Variants in GATAD2A observed in about 807,000 individuals in gnomAD.
GATAD2A encodes GATA zinc finger domain containing 2A.
A neutral mutation model predicts 68.5 loss-of-function variants in GATAD2A; 12 were observed. The observed-to-expected ratio is 0.18, with a 90% CI of 0.11 to 0.28. The LOEUF (loss-of-function observed/expected upper bound fraction) is 0.28. Among genes scored for constraint, GATAD2A ranks in the 10% least tolerant of loss-of-function variants. The pLI is 1.00. For missense variants in GATAD2A, 755 were observed against 868.5 expected (o/e 0.87, Z 1.64); for synonymous variants, 410 against 375.3 (o/e 1.09, Z -1.07).
At chr19:19,487,172 C>T (rs2059495021) in intron 2 of GATAD2A, among the ~76,000 whole-genome samples, 1 of 152,216 alleles carries the variant, frequency 6.6e-6, no homozygotes, top group Non-Finnish European at 1.5e-5. Context: ...GGCTTGCCCC[C>T]TTCTCTGGGG....
intron 1 of GATAD2A, among the ~76,000 whole-genome samples, chr19:19,439,437 T>G (rs555494972): frequency 6.6e-6 from 1 of 152,162 alleles, no homozygotes; most frequent in South Asian, 2.1e-4. Context: ...CACCAAGACA[T>G]TTCTGGGTTG....
chr19:19,463,222 C>T (rs1474113952), intron 1 of GATAD2A, among the ~76,000 whole-genome samples: 1 of 152,092 alleles, frequency 6.6e-6, no homozygotes, highest in Non-Finnish European at 1.5e-5. Context: ...ATGTCCCACC[C>T]CTCCCACAGT....
intron 1 of GATAD2A, among the ~76,000 whole-genome samples, chr19:19,444,192 C>T (rs1336672418): frequency 6.6e-6 from 1 of 152,174 alleles, no homozygotes; most frequent in Admixed American, 6.5e-5. Context: ...TACCCTGACT[C>T]TATGATGAAA....
intron 1 of GATAD2A, among the ~76,000 whole-genome samples, chr19:19,423,534 C>T (rs528406617): frequency 1.3e-5 from 2 of 152,372 alleles, no homozygotes; most frequent in South Asian, 2.1e-4. Flanking sequence ...CTGAATGCCC[C>T]CCTGAGCTGA....
At chr19:19,488,018 C>T (rs974540872) in intron 2 of GATAD2A, among the ~76,000 whole-genome samples, 3 of 152,178 alleles carry the variant, frequency 2.0e-5, no homozygotes, top group Admixed American at 6.5e-5. Context: ...TTTCTTGTAC[C>T]GAGGCCTCAC....
rs994643197 is a variant in GATAD2A at position 19,489,186 on chromosome 19, G to A, written c.270-3120G>A. 3.9e-5 allele frequency among the ~76,000 whole-genome samples: 6 copies of A among 152,238 alleles called. No homozygotes were observed. In the East Asian group the frequency reaches 7.7e-4, roughly 20 times the overall value. ...AGGGGCCAGTGACCCTGCTGTGTGC[G>A]GTGTATGTAGAGGTGACTGGAGCCT... On this transcript the variant is annotated intron_variant, in intron 2 of 11. Coordinates refer to ENST00000683918, the MANE Select transcript of GATAD2A (RefSeq NM_001384528.1).
chr19:19,484,991 C>T (rs1170982423), intron 2 of GATAD2A, among the ~76,000 whole-genome samples: 1 of 152,156 alleles, frequency 6.6e-6, no homozygotes, highest in Non-Finnish European at 1.5e-5. Flanking sequence ...TCCATGGGAC[C>T]CTCTTCAGCC....
intron 1 of GATAD2A, chr19:19,436,295 C>A: frequency 1.3e-6 from 1 of 764,168 alleles, no homozygotes; most frequent in Non-Finnish European, 2.1e-6. Flanking sequence ...TTCTTGGACA[C>A]TTTAAAGTGA....
At chr19:19,426,123 AATT>A (rs1340154520) in intron 1 of GATAD2A, among the ~76,000 whole-genome samples, 1 of 151,934 alleles carries the variant, frequency 6.6e-6, no homozygotes, top group Non-Finnish European at 1.5e-5. Flanking sequence ...TAATGATGTT[AATT>A]AGTAGGGGCA....
In GATAD2A at chr19:19,465,602, G is replaced by C; in HGVS notation, c.257G>C (p.Arg86Pro). The change falls in exon 2 of 12, where the codon CGC becomes CCC. Residue 86 changes from arginine to proline, a missense_variant. Coordinates refer to ENST00000683918, the MANE Select transcript of GATAD2A (RefSeq NM_001384528.1). ...GLVGDGPVDM[R>P]TSHSDMKSER... ...GTGGGCGATGGGCCCGTGGACATGC[G>C]CACCTCACACAGGTGAGTGGGAGGA... The C allele has an allele frequency of 6.2e-7, 1 of 1,608,816 alleles. No individual in the cohort carries two copies. The highest frequency in any genetic ancestry group is 8.5e-7 in the Non-Finnish European group (1 of 1,177,764).
At chr19:19,469,783 C>G (rs1432006119) in intron 2 of GATAD2A, among the ~76,000 whole-genome samples, 1 of 151,980 alleles carries the variant, frequency 6.6e-6, no homozygotes, top group Non-Finnish European at 1.5e-5. Context: ...CCCGTCTCTA[C>G]TAAAAATACA....
chr19:19,398,983 C>T (rs1444126165), intron 1 of GATAD2A, among the ~76,000 whole-genome samples: 6 of 152,044 alleles, frequency 3.9e-5, no homozygotes, highest in African/African-American at 4.8e-5. Context: ...CGCTTGAACC[C>T]GGGCAGCAGG....
At chr19:19,476,093 CTT>C (rs1333538052) in intron 2 of GATAD2A, among the ~76,000 whole-genome samples, 3 of 152,176 alleles carry the variant, frequency 2.0e-5, no homozygotes, top group Admixed American at 2.0e-4. Flanking sequence ...GGATCCCTAA[CTT>C]TGAAATGGGG....
intron 1 of GATAD2A, among the ~76,000 whole-genome samples, chr19:19,438,774 A>G (rs1216242769): frequency 6.6e-6 from 1 of 152,334 alleles, no homozygotes; most frequent in East Asian, 1.9e-4. Flanking sequence ...CTTGATAGAA[A>G]AGGACAGTCT....
chr19:19,501,455 G>T, intron 9 of GATAD2A, 39 bp downstream of exon 9: 1 of 1,499,550 alleles, frequency 6.7e-7, no homozygotes, highest in Non-Finnish European at 9.0e-7. Flanking sequence ...GTCCCTAGGA[G>T]GCAGAGGCCG....
chr19:19,486,671 G>T (rs1484751438), intron 2 of GATAD2A, among the ~76,000 whole-genome samples: 3 of 152,196 alleles, frequency 2.0e-5, no homozygotes, highest in African/African-American at 7.2e-5. Context: ...GGGCATGCAG[G>T]GTGGCTATGA....
intron 7 of GATAD2A, among the ~76,000 whole-genome samples, chr19:19,498,199 G>A (rs973549862): frequency 9.2e-5 from 14 of 152,230 alleles, no homozygotes; most frequent in Admixed American, 4.6e-4. Flanking sequence ...CGGTTTATCT[G>A]GTAAACCTCG....
intron 1 of GATAD2A, among the ~76,000 whole-genome samples, chr19:19,408,679 T>C (rs1271102323): frequency 2.0e-5 from 3 of 152,234 alleles, no homozygotes; most frequent in Non-Finnish European, 4.4e-5. Flanking sequence ...TCAACAAATA[T>C]CAGAGTGCAT....
chr19:19,400,942 A>G (rs560358571), upstream of GATAD2A, among the ~76,000 whole-genome samples: 8 of 151,954 alleles, frequency 5.3e-5, no homozygotes, highest in Non-Finnish European at 1.2e-4. Context: ...GGAGTTTGAG[A>G]CCAACCTGGC....
Sources: allele counts gnomAD v4.1 joint callset (sites outside exome capture counted in the v4.1 genomes callset), GRCh38; gene constraint gnomAD v4.1.1; transcripts MANE v1.5; gene names NCBI Gene and HGNC (gene_info 2026-07-23, HGNC 2026-07-21).